HCN1: variants seen among roughly 807,000 people sequenced by gnomAD.
HCN1 encodes the protein potassium/sodium hyperpolarization-activated cyclic nucleotide-gated channel 1.
HCN1 carries 13 observed loss-of-function variants against 78.9 expected under a neutral mutation model. The ratio of observed to expected loss-of-function variants is 0.16; its 90% CI spans 0.11 to 0.26. The LOEUF (loss-of-function observed/expected upper bound fraction) is 0.26. Among genes scored for constraint, HCN1 ranks in the 10% least tolerant of loss-of-function variants. The probability of loss-of-function intolerance (pLI) is 1.00; values close to 1 mark genes in which losing one functional copy is unlikely to be tolerated. For missense variants in HCN1, 810 were observed against 1,154.3 expected (o/e 0.70, Z 4.32); for synonymous variants, 552 against 455.5 (o/e 1.21, Z -2.70).
chr5:45,398,928 AAAG>A (rs1208027190), intron 3 of HCN1, among the ~76,000 whole-genome samples: 2 of 152,222 alleles, frequency 1.3e-5, no homozygotes, highest in African/African-American at 4.8e-5. Context: ...ATGACTTTCT[AAAG>A]TGCTTACTGC....
At chr5:45,510,776 G>A (rs2111755854) in intron 2 of HCN1, among the ~76,000 whole-genome samples, 1 of 152,150 alleles carries the variant, frequency 6.6e-6, no homozygotes, top group East Asian at 1.9e-4. Context: ...AGAAGGGTAT[G>A]TCTCCTCCAT....
chr5:45,415,383 C>T (rs1184282688), intron 3 of HCN1, among the ~76,000 whole-genome samples: 1 of 151,960 alleles, frequency 6.6e-6, no homozygotes, highest in Non-Finnish European at 1.5e-5. Flanking sequence ...TTGAACCTCT[C>T]ATGAGAATCA....
intron 3 of HCN1, among the ~76,000 whole-genome samples, chr5:45,455,689 G>T (rs1741014874): frequency 7.4e-6 from 1 of 134,582 alleles, no homozygotes; most frequent in African/African-American, 2.8e-5. Context: ...CGCCCCCTAT[G>T]TTTCTGTACA....
At chr5:45,445,412 C>T (rs1740769686) in intron 3 of HCN1, among the ~76,000 whole-genome samples, 1 of 152,214 alleles carries the variant, frequency 6.6e-6, no homozygotes, top group African/African-American at 2.4e-5. Context: ...CCCACCACAG[C>T]TCAAGGAGGC....
At chr5:45,654,453 TA>T (rs1745730935) in intron 1 of HCN1, among the ~76,000 whole-genome samples, 1 of 152,176 alleles carries the variant, frequency 6.6e-6, no homozygotes, top group African/African-American at 2.4e-5. Context: ...GAGTGGTTTT[TA>T]AATTTTATTT....
chr5:45,466,065 C>A (rs192768899), intron 2 of HCN1, among the ~76,000 whole-genome samples: 1 of 152,124 alleles, frequency 6.6e-6, no homozygotes, highest in Non-Finnish European at 1.5e-5. Context: ...ATTTGCGAAT[C>A]GTTCATCATA....
rs1008964280 is a variant in HCN1, at chr5:45,258,774, G to A, written c.*3147C>T. The stretch of plus-strand genomic sequence containing the variant: ...GAATGTATTTATATAAACCTGTTTT[G>A]TTATAATAGAGCCCAAGGCCCTATT... On this transcript the variant is annotated 3_prime_UTR_variant, in exon 8 of 8. Coordinates refer to ENST00000303230, the MANE Select transcript of HCN1 (RefSeq NM_021072.4). 8 of 151,356 alleles carry A rather than the reference G, an allele frequency of 5.3e-5. No homozygotes were observed. Among genetic ancestry groups the A allele is most frequent in the Admixed American group, 5.3e-4 (8 of 15,220 alleles). The allele number at this position is 151,356 out of a possible 1,614,324, so 9.4% of individuals were successfully genotyped here.
intron 3 of HCN1, among the ~76,000 whole-genome samples, chr5:45,444,628 T>C (rs1008403058): frequency 2.6e-5 from 4 of 152,112 alleles, no homozygotes; most frequent in African/African-American, 9.7e-5. Context: ...TCATATGAAA[T>C]CCATTCTCTT....
chr5:45,555,274 AAAGT>A, intron 2 of HCN1, among the ~76,000 whole-genome samples: 1 of 151,926 alleles, frequency 6.6e-6, no homozygotes, highest in East Asian at 1.9e-4. Flanking sequence ...AGAAATAAAA[AAAGT>A]AATCCCATTT....
intron 4 of HCN1, among the ~76,000 whole-genome samples, chr5:45,372,017 A>ATATATATAATATAATTATATATATAT (rs1747383675): frequency 4.0e-5 from 3 of 74,248 alleles, no homozygotes; most frequent in Non-Finnish European, 6.9e-5. Context: ...ATATCATATA[A>ATATATATAATATAATTATATATATAT]TATATATAAT....
chr5:45,367,522 C>T (rs1300579967), intron 4 of HCN1, among the ~76,000 whole-genome samples: 2 of 151,776 alleles, frequency 1.3e-5, no homozygotes, highest in Non-Finnish European at 1.5e-5. Context: ...AACCATGATG[C>T]ATGATGTTAC....
chr5:45,618,401 A>G (rs1418021010), intron 2 of HCN1, among the ~76,000 whole-genome samples: 1 of 152,128 alleles, frequency 6.6e-6, no homozygotes, highest in Non-Finnish European at 1.5e-5. Flanking sequence ...TGTGGGAACA[A>G]AGAGGTTTAG....
chr5:45,421,550 T>TAAAAC, intron 3 of HCN1, among the ~76,000 whole-genome samples: 1 of 151,702 alleles, frequency 6.6e-6, no homozygotes, highest in African/African-American at 2.4e-5. Context: ...TACATAAAGT[T>TAAAAC]AAAACAAAAC....
intron 2 of HCN1, among the ~76,000 whole-genome samples, chr5:45,484,612 G>A (rs1396149968): frequency 6.6e-6 from 1 of 151,948 alleles, no homozygotes; most frequent in Non-Finnish European, 1.5e-5. Context: ...TAAACTTGAT[G>A]CCTCCACAGT....
chr5:45,372,653 AAAACATTTATATAT>A (rs879878409), intron 4 of HCN1, among the ~76,000 whole-genome samples: 36,189 of 135,996 alleles, frequency 0.27, 8,440 homozygotes, highest in African/African-American at 0.5. Context: ...AAAAATATAT[AAAACATTTATATAT>A]AAAAATATAA....
rs1044998751 is a variant in HCN1 at position 45,475,318 on chromosome 5, G to A, written c.850-13311C>T. On this transcript the variant is annotated intron_variant, in intron 2 of 7. Transcript: ENST00000303230. ...ATTTTTAAAATATTGATGGATTGGA[G>A]GTATTGTTTTTATTATGACACAGAC... 2.0e-5 allele frequency among the ~76,000 whole-genome samples: 3 copies of A among 151,940 alleles called. No homozygotes were observed. The South Asian group carries it at 6.2e-4, about 31-fold the overall frequency.
chr5:45,637,451 A>G (rs192910477), intron 2 of HCN1, among the ~76,000 whole-genome samples: 182 of 151,960 alleles, frequency 1.2e-3, no homozygotes, highest in Admixed American at 2.6e-3. Flanking sequence ...TATGCTAGGA[A>G]CTGAAGATGC....
At chr5:45,501,089 C>G (rs1742177762) in intron 2 of HCN1, among the ~76,000 whole-genome samples, 1 of 152,132 alleles carries the variant, frequency 6.6e-6, no homozygotes, top group Non-Finnish European at 1.5e-5. Context: ...TAAGCCGACT[C>G]AAACTTGAAG....
At chr5:45,491,737 T>C (rs886156597) in intron 2 of HCN1, among the ~76,000 whole-genome samples, 2 of 152,156 alleles carry the variant, frequency 1.3e-5, no homozygotes, top group Non-Finnish European at 1.5e-5. Flanking sequence ...TAATGGATTA[T>C]TGTGAAGAGT....
Sources: gnomAD v4.1 joint callset for allele counts (sites outside exome capture counted in the v4.1 genomes callset) on GRCh38, gnomAD v4.1.1 for gene constraint, MANE v1.5 for transcripts, NCBI Gene and HGNC (gene_info 2026-07-23, HGNC 2026-07-21) for gene names.